The following AUTS2 variants were observed in gnomAD, a reference collection of about 807,000 sequenced individuals.
AUTS2 encodes the protein activator of transcription and developmental regulator AUTS2.
AUTS2 carries 17 observed loss-of-function variants against 112.4 expected under a neutral mutation model. The observed-to-expected ratio is 0.15, with a 90% CI of 0.10 to 0.23. AUTS2 has a LOEUF of 0.23. Ranked by LOEUF, AUTS2 falls within the 10% of genes least tolerant of loss-of-function variation. The pLI is 1.00. For missense variants in AUTS2, 1,510 were observed against 1,701.6 expected, an observed-to-expected ratio of 0.89 and a Z score of 1.98; for synonymous variants, 751 against 702.7, an observed-to-expected ratio of 1.07 and a Z score of -1.09.
chr7:70,763,235 C>G lies in AUTS2; in HGVS notation c.1108C>G (p.Leu370Val). 1 of 1,614,106 alleles carries G rather than the reference C, an allele frequency of 6.2e-7. No individual in the cohort carries two copies. The change falls in exon 7 of 19, where the codon CTG becomes GTG. Residue 370 changes from leucine (L) to valine (V), a missense_variant. Leu to Val is a conservative substitution (Grantham distance 32). Coordinates refer to ENST00000342771, the MANE Select transcript of AUTS2 (RefSeq NM_015570.4). ...ACCCAGGCCACAGTCCCCCACCCAG[C>G]TGCTCCATCAGAACCTCCCACCTGT... ...RPPRPQSPTQ[L>V]LHQNLPPVQA...
At chr7:69,637,262 G>A (rs1332705606) in intron 1 of AUTS2, among the ~76,000 whole-genome samples, 1 of 152,176 alleles carries the variant, frequency 6.6e-6, no homozygotes, top group Non-Finnish European at 1.5e-5. Flanking sequence ...TCTAGATATT[G>A]AATTACTTGG....
rs763424098 is a variant in AUTS2 at position 69,891,774 on chromosome 7, C to CTTTTTTTTTT, written c.310-7484_310-7475dup. Among the ~76,000 whole-genome samples the CTTTTTTTTTT allele has an allele frequency of 5.5e-3, 147 of 26,732 alleles. 65 individuals are homozygous for CTTTTTTTTTT. The highest frequency in any genetic ancestry group is 0.021 in the East Asian group (14 of 682). 17.5% of individuals were successfully genotyped at this position (26,732 alleles called of 152,430 possible). A position where few individuals can be genotyped will look rare whatever the true frequency, so the allele number is the denominator to read the frequency against. On this transcript the variant is annotated intron_variant, in intron 1 of 18. Coordinates refer to ENST00000342771, the MANE Select transcript of AUTS2 (RefSeq NM_015570.4). The stretch of plus-strand genomic sequence containing the variant: ...ATTCATTCACTTTCCAGACAGATAT[C>CTTTTTTTTTT]TTTTTTTTTTTTTTTTTTTTTTTTT...
At chr7:70,461,973 C>A (rs1035055339) in intron 5 of AUTS2, among the ~76,000 whole-genome samples, 1 of 152,156 alleles carries the variant, frequency 6.6e-6, no homozygotes, top group East Asian at 1.9e-4. Context: ...GGAAAGGGGC[C>A]GTGTGCGCTG....
rs186257499 is a variant in AUTS2 at position 70,086,821 on chromosome 7, T to C, written c.523-31311T>C. Among the ~76,000 whole-genome samples, 190 of 152,248 alleles carry C rather than the reference T, an allele frequency of 1.2e-3. 2 individuals carry two copies. The highest frequency in any genetic ancestry group is 0.01 in the Admixed American group (153 of 15,282). ...AGTTAACTTTTGTATATTTATCATA[T>C]ATTCTGTAATATTGGTAAACTCACT... On this transcript the variant is annotated intron_variant, in intron 2 of 18. Transcript: ENST00000342771.
chr7:70,094,626 TC>T (rs1336088088), intron 2 of AUTS2, among the ~76,000 whole-genome samples: 1 of 152,200 alleles, frequency 6.6e-6, no homozygotes, highest in Non-Finnish European at 1.5e-5. Context: ...TTTTTGTGCA[TC>T]TGAATTTTAT....
intron 3 of AUTS2, among the ~76,000 whole-genome samples, chr7:70,122,947 C>T (rs1805764554): frequency 6.8e-6 from 1 of 147,108 alleles, no homozygotes; most frequent in South Asian, 2.1e-4. Context: ...ACAATCTTGG[C>T]TCACTGCAGC....
intron 1 of AUTS2, among the ~76,000 whole-genome samples, chr7:69,895,975 C>T (rs78630957): frequency 1.6e-3 from 240 of 152,304 alleles, no homozygotes; most frequent in African/African-American, 5.7e-3. Flanking sequence ...GCTTTATACC[C>T]TGTGGGGAGT....
intron 1 of AUTS2, among the ~76,000 whole-genome samples, chr7:69,624,212 G>T (rs960982281): frequency 6.6e-6 from 1 of 152,122 alleles, no homozygotes; most frequent in South Asian, 2.1e-4. Context: ...TTGAAAATGC[G>T]TAAGGACAGA....
intron 4 of AUTS2, among the ~76,000 whole-genome samples, chr7:70,231,041 G>GT (rs1562805369): frequency 6.6e-6 from 1 of 152,214 alleles, no homozygotes; most frequent in Admixed American, 6.5e-5. Flanking sequence ...ATGAGGTTCG[G>GT]TGAGTTTTCT....
intron 2 of AUTS2, among the ~76,000 whole-genome samples, chr7:69,997,634 G>A (rs1262897045): frequency 6.6e-6 from 1 of 152,178 alleles, no homozygotes; most frequent in Non-Finnish European, 1.5e-5. Context: ...GGGATCCAAT[G>A]TGTCAGAAGG....
At chr7:69,992,189 G>A (rs1412617533) in intron 2 of AUTS2, among the ~76,000 whole-genome samples, 1 of 152,170 alleles carries the variant, frequency 6.6e-6, no homozygotes. Context: ...CTTAGCCTAG[G>A]AACCATATAA....
At chr7:70,670,953 C>T (rs1458876475) in intron 5 of AUTS2, among the ~76,000 whole-genome samples, 1 of 152,156 alleles carries the variant, frequency 6.6e-6, no homozygotes, top group Non-Finnish European at 1.5e-5. Context: ...GGGCGGATCA[C>T]TTGAGGTCAG....
chr7:69,718,620 C>G (rs1798748744), intron 1 of AUTS2, among the ~76,000 whole-genome samples: 1 of 152,186 alleles, frequency 6.6e-6, no homozygotes, highest in South Asian at 2.1e-4. Context: ...CCAGGATAAT[C>G]CCCTTATTTT....
intron 4 of AUTS2, among the ~76,000 whole-genome samples, chr7:70,172,486 C>G (rs898190352): frequency 6.6e-6 from 1 of 152,192 alleles, no homozygotes; most frequent in Non-Finnish European, 1.5e-5. Context: ...TGCAATGGTT[C>G]TTTTTCTAGC....
At chr7:70,605,122 C>T (rs967512714) in intron 5 of AUTS2, among the ~76,000 whole-genome samples, 1 of 150,576 alleles carries the variant, frequency 6.6e-6, no homozygotes, top group Non-Finnish European at 1.5e-5. Context: ...ATTTTCAACA[C>T]GTGAAGAATT....
At chr7:69,957,890 T>C (rs1034783344) in intron 2 of AUTS2, among the ~76,000 whole-genome samples, 4 of 152,172 alleles carry the variant, frequency 2.6e-5, no homozygotes, top group African/African-American at 9.6e-5. Flanking sequence ...GGCACATGGT[T>C]TGGCAAATGG....
chr7:69,801,313 G>A (rs1790071520), intron 1 of AUTS2, among the ~76,000 whole-genome samples: 1 of 151,030 alleles, frequency 6.6e-6, no homozygotes, highest in African/African-American at 2.4e-5. Flanking sequence ...TAAACAGAAA[G>A]GAGATGGAAG....
chr7:70,751,833 G>A (rs1185562269), intron 6 of AUTS2, among the ~76,000 whole-genome samples: 2 of 151,912 alleles, frequency 1.3e-5, no homozygotes, highest in Non-Finnish European at 2.9e-5. Flanking sequence ...TGATTCTCCT[G>A]CCTCAGCCTC....
chr7:70,109,171 C>T (rs531510078), intron 2 of AUTS2, among the ~76,000 whole-genome samples: 143 of 152,192 alleles, frequency 9.4e-4, no homozygotes, highest in Middle Eastern at 3.4e-3. Context: ...TTTTTAAAAA[C>T]AGAAAATCAT....
Sources: allele counts gnomAD v4.1 joint callset (sites outside exome capture counted in the v4.1 genomes callset), GRCh38; gene constraint gnomAD v4.1.1; transcripts MANE v1.5; gene names NCBI Gene and HGNC (gene_info 2026-07-23, HGNC 2026-07-21).